Variants in TICRR observed in about 807,000 individuals in gnomAD.
TICRR encodes the protein treslin.
A neutral mutation model predicts 178.1 loss-of-function variants in TICRR; 132 were observed. The observed-to-expected ratio is 0.74, with a 90% CI of 0.64 to 0.86. The LOEUF is 0.86. TICRR is among the 40% of genes least tolerant of loss of function. The probability of loss-of-function intolerance (pLI) is 0.00; values close to 1 mark genes in which losing one functional copy is unlikely to be tolerated. For missense variants in TICRR, 2,587 were observed against 2,334.3 expected (o/e 1.11, Z -2.23); for synonymous variants, 991 against 900.7 (o/e 1.10, Z -1.79).
chr15:89,588,774 C>G (rs998002886), intron 4 of TICRR, among the ~76,000 whole-genome samples: 6 of 152,080 alleles, frequency 3.9e-5, no homozygotes, highest in African/African-American at 1.4e-4. Context: ...CTGAGTAGTA[C>G]TGGAGAGACT....
At chr15:89,583,067 C>A in intron 2 of TICRR, 102 bp downstream of exon 2, 1 of 1,238,786 alleles carries the variant, frequency 8.1e-7, no homozygotes, top group Non-Finnish European at 1.1e-6. Flanking sequence ...ACAGCCCAGG[C>A]ACTCAACGAA....
intron 8 of TICRR, 83 bp downstream of exon 8, chr15:89,599,558 A>G (rs1963058820): frequency 7.3e-7 from 1 of 1,378,156 alleles, no homozygotes; most frequent in South Asian, 1.3e-5. Flanking sequence ...AGTGTCTTGG[A>G]AAATGTCTGT....
intron 1 of TICRR, among the ~76,000 whole-genome samples, chr15:89,579,202 C>T (rs1255183658): frequency 2.0e-5 from 3 of 152,134 alleles, no homozygotes; most frequent in African/African-American, 4.8e-5. Flanking sequence ...TAGATGTGGT[C>T]CCTGCCCTCT....
Position 89,608,872 on chromosome 15 carries a change from G to A in TICRR, c.2792G>A (p.Arg931Gln), listed in dbSNP as rs527745752. 2.0e-5 allele frequency: 32 copies of A among 1,611,322 alleles called. No homozygotes were observed. The highest frequency in any genetic ancestry group is 1.8e-4 in the East Asian group (8 of 44,674). Reference sequence around the variant, plus strand: ...TCCCCTTCAAAGAGATCACTAAAGCGGGGGTTGCCTAGAAGCCATTCTGTG... The same window carrying A: ...TCCCCTTCAAAGAGATCACTAAAGCAGGGGTTGCCTAGAAGCCATTCTGTG... ...LLSPSKRSLK[R>Q]GLPRSHSVSA... Residue 931 changes from arginine (R) to glutamine (Q), a missense_variant, in exon 15 of 22, where the codon CGG becomes CAG. Physicochemically the swap from Arg to Gln is conservative, Grantham distance 43 (BLOSUM62 1). Coordinates refer to ENST00000268138, the MANE Select transcript of TICRR (RefSeq NM_152259.4).
At position 89,575,851 on chromosome 15, in the gene TICRR, C is replaced by A; in HGVS notation, c.265C>A (p.His89Asn). Residue 89 changes from histidine (H) to asparagine (N), a missense_variant, in exon 1 of 22, where the codon CAC (histidine) becomes AAC (asparagine). Transcript: ENST00000268138. ...GGAGGCCAGGCTCGAGGATCGCGCC[C>A]ACCTGCCCGGCCCGGCGCCCAGGGC... Reference protein sequence around the residue: ...ELEARLEDRAHLPGPAPRATH... With the variant: ...ELEARLEDRANLPGPAPRATH... 6.3e-7 allele frequency: 1 copy of A among 1,586,680 alleles called. No homozygotes were observed. Among genetic ancestry groups the A allele is most frequent in the Non-Finnish European group, 8.6e-7 (1 of 1,169,076 alleles).
At chr15:89,602,033 T>A in intron 12 of TICRR, 57 bp downstream of exon 12, 1 of 1,595,710 alleles carries the variant, frequency 6.3e-7, no homozygotes, top group Non-Finnish European at 8.5e-7. Flanking sequence ...TGATAAAAGA[T>A]GTGTTTAAAC....
rs751035655 is a variant in TICRR, at chr15:89,595,415, G to A, written c.1704G>A (p.Val568=). 1 of 1,614,036 alleles carries A rather than the reference G, an allele frequency of 6.2e-7. No individual in the cohort carries two copies. ...KKKRGVPRTP[V]RQKMNTMCRS... ...TAGGAGGGGTCCCTCGTACTCCAGT[G>A]AGACAGAAGATGAATACCATGTGCC... Residue 568 remains valine (V), a synonymous_variant, in exon 7 of 22, where the codon GTG becomes GTA. Coordinates refer to ENST00000268138, the MANE Select transcript of TICRR (RefSeq NM_152259.4).
At chr15:89,616,246 G>A (rs1005655315) in intron 15 of TICRR, among the ~76,000 whole-genome samples, 159 bp from the exon 16 acceptor site, 6 of 152,132 alleles carry the variant, frequency 3.9e-5, no homozygotes, top group African/African-American at 1.4e-4. Flanking sequence ...CTTCTATCAT[G>A]TTGAGTCCTG....
intron 21 of TICRR, 27 bp downstream of exon 21, chr15:89,626,088 C>G: frequency 6.2e-7 from 1 of 1,608,192 alleles, no homozygotes; most frequent in Non-Finnish European, 8.5e-7. Flanking sequence ...GTCTAGGACC[C>G]TTTCCTGTGA....
intron 1 of TICRR, among the ~76,000 whole-genome samples, chr15:89,578,222 G>A (rs1962659883): frequency 6.6e-6 from 1 of 152,130 alleles, no homozygotes; most frequent in Non-Finnish European, 1.5e-5. Flanking sequence ...TCCACTTAAT[G>A]GAAATACATG....
chr15:89,579,307 G>GA (rs1962680904), intron 1 of TICRR, among the ~76,000 whole-genome samples: 1 of 152,130 alleles, frequency 6.6e-6, no homozygotes, highest in African/African-American at 2.4e-5. Context: ...GCATACGAGT[G>GA]AAAAATGTGA....
intron 13 of TICRR, among the ~76,000 whole-genome samples, chr15:89,604,368 C>T (rs1963143285): frequency 6.6e-6 from 1 of 152,162 alleles, no homozygotes; most frequent in Admixed American, 6.5e-5. Flanking sequence ...AAGTGAATGG[C>T]CAAAAGTTGC....
rs189341628 is a variant in TICRR, at chr15:89,597,667, G to T, written c.1901-1657G>T. Among the ~76,000 whole-genome samples, 208 of 152,258 alleles carry T rather than the reference G, an allele frequency of 1.4e-3. 7 individuals carry two copies. Among genetic ancestry groups the T allele is most frequent in the Admixed American group, 0.013 (205 of 15,296 alleles). On this transcript the variant is annotated intron_variant, in intron 7 of 21. Transcript: ENST00000268138. ...GCTTTATAGTAAGTCCTGAAGGTTG[G>T]TACTATCAGTCCTCAAACTTTGTTT...
chr15:89,598,523 C>T (rs528653206), intron 7 of TICRR, among the ~76,000 whole-genome samples: 198 of 151,776 alleles, frequency 1.3e-3, no homozygotes, highest in African/African-American at 4.1e-3. Context: ...CCACTACGCC[C>T]GGGTAATTTT....
Position 89,596,280 on chromosome 15 carries a change from G to A in TICRR, c.1900+669G>A, listed in dbSNP as rs142234530. Among the ~76,000 whole-genome samples the A allele has an allele frequency of 5.3e-5, 8 of 151,854 alleles. No homozygotes were observed. The East Asian group carries it at 1.5e-3, about 29-fold the overall frequency. On this transcript the variant is annotated intron_variant, in intron 7 of 21. Coordinates refer to ENST00000268138, the MANE Select transcript of TICRR (RefSeq NM_152259.4). ...TATTCCTGCTATTTTTAATATTTAT[G>A]CCTTCCATCTCTCTCTCTTTAATTG...
rs1335515531 is a variant in TICRR at position 89,623,976 on chromosome 15, C to T, written c.3666C>T (p.Ser1222=). The change falls in exon 20 of 22, where the codon AGC becomes AGT. Residue 1222 remains serine (S), a synonymous_variant. Coordinates refer to ENST00000268138, the MANE Select transcript of TICRR (RefSeq NM_152259.4). ...WPHSVNSSPE[S]PSCPAPPTSS... is the part of the protein sequence containing the mutation. The stretch of plus-strand genomic sequence containing the variant: ...ATTCAGTGAATTCCAGTCCAGAAAG[C>T]CCCTCCTGTCCAGCCCCTCCAACTT... 7 of 1,614,004 alleles carry T rather than the reference C, an allele frequency of 4.3e-6. No homozygotes were observed. The highest frequency in any genetic ancestry group is 5.9e-6 in the Non-Finnish European group (7 of 1,180,006).
At chr15:89,598,059 A>G (rs965867985) in intron 7 of TICRR, among the ~76,000 whole-genome samples, 9 of 152,248 alleles carry the variant, frequency 5.9e-5, no homozygotes, top group Admixed American at 2.0e-4. Flanking sequence ...TGGGAAAGCA[A>G]TGGACTTTTA....
At chr15:89,581,304 ATAT>A (rs1454707706) in intron 1 of TICRR, among the ~76,000 whole-genome samples, 1 of 152,138 alleles carries the variant, frequency 6.6e-6, no homozygotes, top group Non-Finnish European at 1.5e-5. Context: ...TAGTAGCTGA[ATAT>A]TGTTGTTATA....
intron 17 of TICRR, among the ~76,000 whole-genome samples, chr15:89,619,432 G>A (rs538913053): frequency 6.6e-6 from 1 of 152,044 alleles, no homozygotes; most frequent in South Asian, 2.1e-4. Context: ...CACCTTGTTG[G>A]TCAGGCTGGC....
Sources: gnomAD v4.1 joint callset for allele counts (sites outside exome capture counted in the v4.1 genomes callset) on GRCh38, gnomAD v4.1.1 for gene constraint, MANE v1.5 for transcripts, NCBI Gene and HGNC (gene_info 2026-07-23, HGNC 2026-07-21) for gene names.